OSBPL3: variants seen among roughly 807,000 people sequenced by gnomAD.
OSBPL3 encodes oxysterol-binding protein-related protein 3.
In OSBPL3, 65 loss-of-function variants were observed where a neutral mutation model predicts 120.1. The ratio of observed to expected loss-of-function variants is 0.54; its 90% confidence interval spans 0.44 to 0.67. The LOEUF (loss-of-function observed/expected upper bound fraction) is 0.67, where lower values mean the gene tolerates loss of function less well. Among genes scored for constraint, OSBPL3 ranks in the 30% least tolerant of loss-of-function variants. OSBPL3 has a pLI of 0.00. For missense variants in OSBPL3, 1,004 were observed against 1,082.1 expected (o/e 0.93, Z 1.01); for synonymous variants, 416 against 402.6 (o/e 1.03, Z -0.40).
At position 24,816,605 on chromosome 7, in the gene OSBPL3, C is replaced by T; in HGVS notation, c.2027+5G>A. 6.2e-7 allele frequency: 1 copy of T among 1,605,204 alleles called. No individual in the cohort carries two copies. Among genetic ancestry groups the T allele is most frequent in the South Asian group, 1.1e-5 (1 of 90,848 alleles). ...AAGCTCCTTAACCACAGAAGAAGAA[C>T]TTACACTGGCAGAGTCACATGGGTT... On this transcript the variant is annotated splice_donor_5th_base_variant and intron_variant, in intron 18 of 22. Coordinates refer to ENST00000313367, the MANE Select transcript of OSBPL3 (RefSeq NM_015550.4).
Position 24,855,489 on chromosome 7 carries a change from T to C in OSBPL3, c.1028-2855A>G, listed in dbSNP as rs146840682. ...CAGAAAGAAACTCATATAGTCATTA[T>C]ATTTTATTGTAAGGAATAAAACGCT... On this transcript the variant is annotated intron_variant, in intron 10 of 22. Transcript: ENST00000313367. The surrounding 1 kb of genome is among the most constrained non-coding windows in gnomAD (Gnocchi z 4.3). 1.1e-4 allele frequency among the ~76,000 whole-genome samples: 16 copies of C among 152,378 alleles called. No individual in the cohort carries two copies. The East Asian group carries it at 3.1e-3, about 29-fold the overall frequency.
chr7:24,815,123 T>A lies in OSBPL3; in HGVS notation c.2108A>T (p.Tyr703Phe). ...CAGGTTCTTGATGACAATCTCTCCA[T>A]AGTGCTCAATCCACCTCTGCCCGCT... ...ILSGQRWIEH[Y>F]GEIVIKNLHD... is the part of the protein sequence containing the mutation. Residue 703 changes from tyrosine to phenylalanine, a missense_variant, in exon 19 of 23, where the codon TAT becomes TTT. Coordinates refer to ENST00000313367, the MANE Select transcript of OSBPL3 (RefSeq NM_015550.4). This position sits in a 1 kb window ranked among gnomAD's most constrained non-coding sequence, Gnocchi z 5.1. 6.2e-7 allele frequency: 1 copy of A among 1,613,318 alleles called. No homozygotes were observed. Among genetic ancestry groups the A allele is most frequent in the African/African-American group, 1.3e-5 (1 of 75,028 alleles).
At position 24,865,466 on chromosome 7, in the gene OSBPL3, C is replaced by A. The variant is rs1258427925; in HGVS notation, c.550-1G>T. On this transcript the variant is annotated splice_acceptor_variant, in intron 6 of 22. Transcript: ENST00000313367. LOFTEE classifies it high-confidence loss of function. ...AATTCTGCTTTGATATACTGCTACG[C>A]TGTTCCACGGATGACAAAAGCACAT... The A allele has an allele frequency of 6.2e-7, 1 of 1,613,196 alleles. No homozygotes were observed. The highest frequency in any genetic ancestry group is 8.5e-7 in the Non-Finnish European group (1 of 1,179,554).
At chr7:24,963,475 A>C (rs1344925715) in intron 1 of OSBPL3, among the ~76,000 whole-genome samples, 2 of 152,160 alleles carry the variant, frequency 1.3e-5, no homozygotes, top group African/African-American at 2.4e-5. Flanking sequence ...TCCACCAAGA[A>C]TCCGGCCAAC....
chr7:24,974,768 C>T (rs1157139526), intron 1 of OSBPL3, among the ~76,000 whole-genome samples: 1 of 152,132 alleles, frequency 6.6e-6, no homozygotes, highest in Non-Finnish European at 1.5e-5. Flanking sequence ...CTATATGACT[C>T]CCCTTATATG....
chr7:24,879,358 G>C lies in OSBPL3; in HGVS notation c.97-7289C>G, dbSNP rs1803311773. 6.6e-6 allele frequency among the ~76,000 whole-genome samples: 1 copy of C among 152,170 alleles called. No individual in the cohort carries two copies. Among genetic ancestry groups the C allele is most frequent in the African/African-American group, 2.4e-5 (1 of 41,434 alleles). On this transcript the variant is annotated intron_variant, in intron 2 of 22. Transcript: ENST00000313367. This position sits in a 1 kb window ranked among gnomAD's most constrained non-coding sequence, Gnocchi z 5.6. ...GACTGAGCAATGAAGCTCCCACTTGGGTTCTGATGACTAAATGGGAGTAGC... is the reference window on the plus strand; with the variant it reads ...GACTGAGCAATGAAGCTCCCACTTGCGTTCTGATGACTAAATGGGAGTAGC...
chr7:24,940,382 C>T lies in OSBPL3; in HGVS notation c.-150+39504G>A, dbSNP rs181389824. On this transcript the variant is annotated intron_variant, in intron 1 of 22. Transcript: ENST00000313367. This position sits in a 1 kb window ranked among gnomAD's most constrained non-coding sequence, Gnocchi z 4.4. ...GTGTAGAAATTACTGGTACCAATGA[C>T]AGATCATCAAAAGGGTTGACTATAT... 4.6e-4 allele frequency among the ~76,000 whole-genome samples: 70 copies of T among 152,192 alleles called. No homozygotes were observed. The highest frequency in any genetic ancestry group is 1.6e-3 in the African/African-American group (68 of 41,528).
At chr7:24,875,792 AC>A (rs1248978003) in intron 2 of OSBPL3, among the ~76,000 whole-genome samples, 2 of 151,116 alleles carry the variant, frequency 1.3e-5, no homozygotes, top group Non-Finnish European at 2.9e-5. Flanking sequence ...TTATATATAT[AC>A]AAATTTATAG....
rs770040966 is a variant in OSBPL3, at chr7:24,817,297, ATTT to A, written c.1949-612_1949-610del. Among the ~76,000 whole-genome samples the A allele has an allele frequency of 2.1e-4, 32 of 152,272 alleles. No homozygotes were observed. Among genetic ancestry groups the A allele is most frequent in the Non-Finnish European group, 3.4e-4 (23 of 68,020 alleles). ...TTTGGGAGGCAGAGGTGGGTGGATC[ATTT>A]GAGATCAGGAGTTCGAGACCAGCAC... On this transcript the variant is annotated intron_variant, in intron 17 of 22. Transcript: ENST00000313367. This position sits in a 1 kb window ranked among gnomAD's most constrained non-coding sequence, Gnocchi z 4.0.
At chr7:24,897,704 T>C (rs973776260) in intron 1 of OSBPL3, among the ~76,000 whole-genome samples, 1 of 152,214 alleles carries the variant, frequency 6.6e-6, no homozygotes, top group Admixed American at 6.5e-5. Context: ...GTGAACAGAC[T>C]AGTGTTAAAG....
intron 1 of OSBPL3, among the ~76,000 whole-genome samples, chr7:24,934,737 G>A (rs1812189517): frequency 6.6e-6 from 1 of 152,176 alleles, no homozygotes; most frequent in Non-Finnish European, 1.5e-5. Flanking sequence ...CTTCAGAAGT[G>A]ATATAATGAC....
At position 24,831,424 on chromosome 7, in the gene OSBPL3, C is replaced by T. The variant is rs1796349381; in HGVS notation, c.1747-519G>A. Among the ~76,000 whole-genome samples the T allele has an allele frequency of 6.6e-6, 1 of 152,082 alleles. No individual in the cohort carries two copies. Among genetic ancestry groups the T allele is most frequent in the South Asian group, 2.1e-4 (1 of 4,822 alleles). On this transcript the variant is annotated intron_variant, in intron 15 of 22. Coordinates refer to ENST00000313367, the MANE Select transcript of OSBPL3 (RefSeq NM_015550.4). The surrounding 1 kb of genome is among the most constrained non-coding windows in gnomAD (Gnocchi z 4.0). ...GAAAATCTGTGAGTCATTTCCTAAG[C>T]CTGGGAAACAAGCCACAGGATATAG...
rs750325561 is a variant in OSBPL3, at chr7:24,968,881, C to T, written c.-150+11005G>A. Reference sequence around the variant, plus strand: ...TGTAGAGCTGCCTCATTTTTAACGGCTCTATTATTTTTAATTAGTACTTAC... The same window carrying T: ...TGTAGAGCTGCCTCATTTTTAACGGTTCTATTATTTTTAATTAGTACTTAC... On this transcript the variant is annotated intron_variant, in intron 1 of 22. Transcript: ENST00000313367. This position sits in a 1 kb window ranked among gnomAD's most constrained non-coding sequence, Gnocchi z 4.6. Among the ~76,000 whole-genome samples the T allele has an allele frequency of 6.6e-6, 1 of 152,064 alleles. No homozygotes were observed. Among genetic ancestry groups the T allele is most frequent in the Non-Finnish European group, 1.5e-5 (1 of 68,026 alleles).
chr7:24,917,426 A>T (rs996466557), intron 1 of OSBPL3, among the ~76,000 whole-genome samples: 1 of 137,706 alleles, frequency 7.3e-6, no homozygotes, highest in Admixed American at 7.3e-5. Context: ...ATATATATAT[A>T]TTTGTAACAT....
chr7:24,839,310 G>A (rs182630103), intron 14 of OSBPL3, among the ~76,000 whole-genome samples: 1 of 152,194 alleles, frequency 6.6e-6, no homozygotes, highest in Non-Finnish European at 1.5e-5. Flanking sequence ...CAGGTGGGCA[G>A]ATTCTTTTTA....
rs1812910826 is a variant in OSBPL3, at chr7:24,940,143, G to A, written c.-150+39743C>T. Among the ~76,000 whole-genome samples the A allele has an allele frequency of 6.6e-6, 1 of 152,088 alleles. No homozygotes were observed. The highest frequency in any genetic ancestry group is 6.5e-5 in the Admixed American group (1 of 15,284). ...TATATTCTTGAAGAGCATAATAAAG[G>A]TTTGAAATAGCTGCTACAAAAAAAA... On this transcript the variant is annotated intron_variant, in intron 1 of 22. Coordinates refer to ENST00000313367, the MANE Select transcript of OSBPL3 (RefSeq NM_015550.4). This position sits in a 1 kb window ranked among gnomAD's most constrained non-coding sequence, Gnocchi z 4.4.
Position 24,937,238 on chromosome 7 carries a change from G to A in OSBPL3, c.-150+42648C>T, listed in dbSNP as rs1584675940. Among the ~76,000 whole-genome samples, 1 of 152,140 alleles carries A rather than the reference G, an allele frequency of 6.6e-6. No homozygotes were observed. Among genetic ancestry groups the A allele is most frequent in the East Asian group, 1.9e-4 (1 of 5,196 alleles). ...TATTATCATGAGAACAGGATGGAGGGAACCTCTCCCATAATTCAATTTTCT... is the reference window on the plus strand; with the variant it reads ...TATTATCATGAGAACAGGATGGAGGAAACCTCTCCCATAATTCAATTTTCT... On this transcript the variant is annotated intron_variant, in intron 1 of 22. Coordinates refer to ENST00000313367, the MANE Select transcript of OSBPL3 (RefSeq NM_015550.4). The surrounding 1 kb of genome is among the most constrained non-coding windows in gnomAD (Gnocchi z 4.0).
In OSBPL3 at chr7:24,936,168, C is replaced by T. The variant is rs1385472092; in HGVS notation, c.-149-43547G>A. Among the ~76,000 whole-genome samples, 4 of 151,990 alleles carry T rather than the reference C, an allele frequency of 2.6e-5. No homozygotes were observed. The highest frequency in any genetic ancestry group is 5.9e-5 in the Non-Finnish European group (4 of 68,016). On this transcript the variant is annotated intron_variant, in intron 1 of 22. Coordinates refer to ENST00000313367, the MANE Select transcript of OSBPL3 (RefSeq NM_015550.4). This position sits in a 1 kb window ranked among gnomAD's most constrained non-coding sequence, Gnocchi z 4.2. ...TTCATAATGAAGGGGCCTTAAGTTACTGGTTCCAGTAAAAGATAAACTTGA... is the reference window on the plus strand; with the variant it reads ...TTCATAATGAAGGGGCCTTAAGTTATTGGTTCCAGTAAAAGATAAACTTGA...
intron 1 of OSBPL3, among the ~76,000 whole-genome samples, chr7:24,950,694 C>G (rs547918901): frequency 1.3e-5 from 2 of 152,226 alleles, no homozygotes; most frequent in Non-Finnish European, 2.9e-5. Context: ...TGCACTCCAG[C>G]CTGGGCAACA....
Sources: gnomAD v4.1 joint callset for allele counts (sites outside exome capture counted in the v4.1 genomes callset) on GRCh38, gnomAD v4.1.1 for gene constraint, Gnocchi (gnomAD v3.1) non-coding constraint, MANE v1.5 for transcripts, NCBI Gene and HGNC (gene_info 2026-07-23, HGNC 2026-07-21) for gene names.